The following ADAMTS2 variants were observed in gnomAD, a reference collection of about 807,000 sequenced individuals.
ADAMTS2 encodes A disintegrin and metalloproteinase with thrombospondin motifs 2.
In ADAMTS2, 50 loss-of-function variants were observed where a neutral mutation model predicts 123.0. The ratio of observed to expected loss-of-function variants is 0.41; its 90% confidence interval spans 0.32 to 0.51. ADAMTS2 has a LOEUF of 0.51. Ranked by LOEUF, ADAMTS2 falls within the 20% of genes least tolerant of loss-of-function variation. The pLI is 0.35. For synonymous variants in ADAMTS2, 678 were observed against 695.4 expected (o/e 0.98, Z 0.39); for missense variants, 1,494 against 1,705.2 (o/e 0.88, Z 2.18).
chr5:179,142,858 G>A (rs1184570102), intron 10 of ADAMTS2, among the ~76,000 whole-genome samples: 3 of 152,144 alleles, frequency 2.0e-5, no homozygotes, highest in African/African-American at 4.8e-5. Context: ...TCATTATCCA[G>A]TTTCTTCAAT....
At chr5:179,151,159 A>G in intron 10 of ADAMTS2, 1 of 366,964 alleles carries the variant, frequency 2.7e-6, no homozygotes, top group Non-Finnish European at 5.7e-6. Context: ...GGCCTCCCAA[A>G]GTGCTGGGAT....
chr5:179,133,894 TA>T (rs1763008757), intron 13 of ADAMTS2, among the ~76,000 whole-genome samples: 1 of 150,990 alleles, frequency 6.6e-6, no homozygotes, highest in South Asian at 2.1e-4. Flanking sequence ...GTATTTTTAG[TA>T]GAGACGGGGT....
intron 3 of ADAMTS2, among the ~76,000 whole-genome samples, chr5:179,229,079 G>T (rs573020924): frequency 6.6e-6 from 1 of 152,206 alleles, no homozygotes; most frequent in Non-Finnish European, 1.5e-5. Flanking sequence ...CCCTCTCTCC[G>T]TCAGACCCTC....
intron 3 of ADAMTS2, among the ~76,000 whole-genome samples, chr5:179,211,217 C>T (rs1764842894): frequency 6.6e-6 from 1 of 152,230 alleles, no homozygotes; most frequent in African/African-American, 2.4e-5. Context: ...TGACTGGGAG[C>T]TCACACAGCC....
intron 3 of ADAMTS2, among the ~76,000 whole-genome samples, chr5:179,244,396 A>G (rs1444612506): frequency 6.6e-6 from 1 of 152,228 alleles, no homozygotes; most frequent in Non-Finnish European, 1.5e-5. Context: ...TCAACCAAGA[A>G]TCTTTCTCCA....
intron 12 of ADAMTS2, 57 bp downstream of exon 12, chr5:179,137,712 T>G: frequency 1.1e-4 from 70 of 621,596 alleles, no homozygotes; most frequent in Middle Eastern, 4.7e-4. Flanking sequence ...GCCCCCACCC[T>G]GCCCACCCTA....
In ADAMTS2 at chr5:179,317,083, T is replaced by G. The variant is rs1757019716; in HGVS notation, c.534+26684A>C. 6.6e-6 allele frequency among the ~76,000 whole-genome samples: 1 copy of G among 152,054 alleles called. No homozygotes were observed. Among genetic ancestry groups the G allele is most frequent in the Non-Finnish European group, 1.5e-5 (1 of 68,000 alleles). The stretch of plus-strand genomic sequence containing the variant: ...CCAGCTAATTCTCAGCAACAGACAA[T>G]TACAGGAACACAAGGACAAAGCCCA... On this transcript the variant is annotated intron_variant, in intron 2 of 21. Transcript: ENST00000251582. This position sits in a 1 kb window ranked among gnomAD's most constrained non-coding sequence, Gnocchi z 4.9.
intron 2 of ADAMTS2, among the ~76,000 whole-genome samples, chr5:179,337,566 C>G (rs1453101497): frequency 6.6e-6 from 1 of 152,232 alleles, no homozygotes; most frequent in Non-Finnish European, 1.5e-5. Context: ...CCGGCAGCAA[C>G]ACAGGGACCC....
At position 179,311,425 on chromosome 5, in the gene ADAMTS2, C is replaced by T. The variant is rs569749554; in HGVS notation, c.534+32342G>A. Among the ~76,000 whole-genome samples the T allele has an allele frequency of 2.0e-5, 3 of 152,340 alleles. No homozygotes were observed. In the East Asian group the frequency reaches 5.8e-4, roughly 29 times the overall value. ...ATGCCAAGAATCACAGGGACATCCACCTGCCAGCAAAGCCTCAATGACAAC... is the reference window on the plus strand; with the variant it reads ...ATGCCAAGAATCACAGGGACATCCATCTGCCAGCAAAGCCTCAATGACAAC... On this transcript the variant is annotated intron_variant, in intron 2 of 21. Coordinates refer to ENST00000251582, the MANE Select transcript of ADAMTS2 (RefSeq NM_014244.5).
At chr5:179,235,421 G>A (rs1488446682) in intron 3 of ADAMTS2, among the ~76,000 whole-genome samples, 2 of 152,238 alleles carry the variant, frequency 1.3e-5, no homozygotes. Context: ...CACCAATGGA[G>A]CCAGATGCCA....
At position 179,221,417 on chromosome 5, in the gene ADAMTS2, C is replaced by T. The variant is rs138080457; in HGVS notation, c.689-13702G>A. Among the ~76,000 whole-genome samples the T allele has an allele frequency of 3.4e-3, 515 of 152,276 alleles. 4 individuals carry two copies. The highest frequency in any genetic ancestry group is 0.011 in the African/African-American group (471 of 41,566). ...CTGGCCCAGCTGAGGACCTTGCTGC[C>T]ATCACCCACCATGACCCTTGGGCAC... On this transcript the variant is annotated intron_variant, in intron 3 of 21. Transcript: ENST00000251582.
At chr5:179,207,472 C>CCCGGG in intron 4 of ADAMTS2, 41 bp downstream of exon 4, 1 of 925,666 alleles carries the variant, frequency 1.1e-6, no homozygotes, top group Non-Finnish European at 1.8e-6. Context: ...CCCTGGTTGA[C>CCCGGG]CCTCCCCGCC....
At position 179,149,445 on chromosome 5, in the gene ADAMTS2, T is replaced by C. The variant is rs140194527; in HGVS notation, c.1629+2697A>G. On this transcript the variant is annotated intron_variant, in intron 10 of 21. Coordinates refer to ENST00000251582, the MANE Select transcript of ADAMTS2 (RefSeq NM_014244.5). ...TTAGAGCAGCCGAAGCTGAGGAAGA[T>C]GGAGTGTGAGCTGTCCTGGCACCGT... Among the ~76,000 whole-genome samples the C allele has an allele frequency of 6.0e-3, 907 of 152,250 alleles. 3 individuals carry two copies. The highest frequency in any genetic ancestry group is 0.021 in the Middle Eastern group (6 of 292).
rs528923673 is a variant in ADAMTS2 at position 179,203,019 on chromosome 5, A to G, written c.891+4494T>C. Among the ~76,000 whole-genome samples, 6 of 152,320 alleles carry G rather than the reference A, an allele frequency of 3.9e-5. No homozygotes were observed. The East Asian group carries it at 1.2e-3, about 29-fold the overall frequency. On this transcript the variant is annotated intron_variant, in intron 4 of 21. Coordinates refer to ENST00000251582, the MANE Select transcript of ADAMTS2 (RefSeq NM_014244.5). Reference sequence around the variant, plus strand: ...GTGCCACCCCTGGACCCCATATCCCAGCCCAGGCTCTGCCACAAAGAGATC... The same window carrying G: ...GTGCCACCCCTGGACCCCATATCCCGGCCCAGGCTCTGCCACAAAGAGATC...
At chr5:179,229,306 C>CGAGACCCCGCTGCCCACTCCACAAACAT (rs1298388690) in intron 3 of ADAMTS2, among the ~76,000 whole-genome samples, 2 of 144,500 alleles carry the variant, frequency 1.4e-5, no homozygotes, top group Non-Finnish European at 3.0e-5. Context: ...TCCACAAACA[C>CGAGACCCCGCTGCCCACTCCACAAACAT]GAGACCCCGC....
intron 3 of ADAMTS2, among the ~76,000 whole-genome samples, chr5:179,250,825 G>A (rs1765904587): frequency 1.3e-5 from 2 of 152,192 alleles, no homozygotes; most frequent in Admixed American, 6.5e-5. Flanking sequence ...ACCCTCTAAC[G>A]CCCTCCCATA....
intron 5 of ADAMTS2, among the ~76,000 whole-genome samples, chr5:179,173,075 G>A (rs1763856951): frequency 6.6e-6 from 1 of 151,346 alleles, no homozygotes; most frequent in Admixed American, 6.6e-5. Context: ...AGTCGAGTGT[G>A]GTGGTGCGTG....
Position 179,128,212 on chromosome 5 carries a change from G to A in ADAMTS2, c.2458-94C>T, listed in dbSNP as rs1457542039. On this transcript the variant is annotated intron_variant, in intron 16 of 21. Transcript: ENST00000251582. The surrounding 1 kb of genome is among the most constrained non-coding windows in gnomAD (Gnocchi z 4.9). Reference sequence around the variant, plus strand: ...ACGGCAGCTGAGGCCGACTCCAGAGGAGTCTCATCATTCATGGCAGTTACA... The same window carrying A: ...ACGGCAGCTGAGGCCGACTCCAGAGAAGTCTCATCATTCATGGCAGTTACA... 16 of 1,490,702 alleles carry A rather than the reference G, an allele frequency of 1.1e-5. No individual in the cohort carries two copies. Among genetic ancestry groups the A allele is most frequent in the Admixed American group, 1.8e-5 (1 of 55,294 alleles). 92.3% of individuals were successfully genotyped at this position (1,490,702 alleles called of 1,614,324 possible). A position where few individuals can be genotyped will look rare whatever the true frequency, so the allele number is the denominator to read the frequency against.
At chr5:179,309,464 G>A (rs1420809867) in intron 2 of ADAMTS2, among the ~76,000 whole-genome samples, 1 of 152,154 alleles carries the variant, frequency 6.6e-6, no homozygotes, top group Non-Finnish European at 1.5e-5. Flanking sequence ...CTGAAGCCTG[G>A]TCCCTCCAGA....
Sources: gnomAD v4.1 joint callset for allele counts (sites outside exome capture counted in the v4.1 genomes callset) on GRCh38, gnomAD v4.1.1 for gene constraint, Gnocchi (gnomAD v3.1) non-coding constraint, MANE v1.5 for transcripts, NCBI Gene and HGNC (gene_info 2026-07-23, HGNC 2026-07-21) for gene names.